Variants in USH2A observed in about 807,000 individuals in gnomAD.
The protein encoded by USH2A is usherin.
A neutral mutation model predicts 538.9 loss-of-function variants in USH2A; 443 were observed. The ratio of observed to expected loss-of-function variants is 0.82; its 90% CI spans 0.76 to 0.89. USH2A has a LOEUF of 0.89. Ranked by LOEUF, USH2A falls within the 40% of genes least tolerant of loss-of-function variation. The pLI is 0.00. For missense variants in USH2A, 6,633 were observed against 6,324.8 expected, an observed-to-expected ratio of 1.05 and a Z score of -1.65; for synonymous variants, 2,413 against 2,273.5, an observed-to-expected ratio of 1.06 and a Z score of -1.75.
rs760750612 is a variant in USH2A, at chr1:215,623,563, C to T, written c.*2218G>A. On this transcript the variant is annotated 3_prime_UTR_variant, in exon 72 of 72. Transcript: ENST00000307340. ...AGCAAAGCAACATCTTAGAGTTCTT[C>T]TCTGAAATAAATACAAGTAAACTTA... 6.6e-6 allele frequency: 1 copy of T among 152,094 alleles called. No homozygotes were observed. The highest frequency in any genetic ancestry group is 1.5e-5 in the Non-Finnish European group (1 of 67,994). The allele number at this position is 152,094 out of a possible 1,614,324, so 9.4% of individuals were successfully genotyped here.
rs553084753 is a variant in USH2A at position 215,891,835 on chromosome 1, G to T, written c.7595-2781C>A. Among the ~76,000 whole-genome samples, 13 of 152,234 alleles carry T rather than the reference G, an allele frequency of 8.5e-5. No individual in the cohort carries two copies. The East Asian group carries it at 2.5e-3, about 29-fold the overall frequency. ...GACAGGCACACAGCTCAGCTGGCCG[G>T]TGATGAAAATACAACCTTACAGCGC... On this transcript the variant is annotated intron_variant, in intron 40 of 71. Coordinates refer to ENST00000307340, the MANE Select transcript of USH2A (RefSeq NM_206933.4).
In USH2A at chr1:216,007,253, T is replaced by C. The variant is rs1233098995; in HGVS notation, c.6326-6691A>G. Among the ~76,000 whole-genome samples the C allele has an allele frequency of 3.9e-5, 6 of 152,166 alleles. No individual in the cohort carries two copies. The East Asian group carries it at 9.6e-4, about 24-fold the overall frequency. On this transcript the variant is annotated intron_variant, in intron 32 of 71. Transcript: ENST00000307340. ...CTCGGGTATGTCTTTATCAGCAGCA[T>C]GAAAACGAACTAGTACACTCAATTA...
At chr1:216,129,715 G>A (rs1316819579) in intron 21 of USH2A, among the ~76,000 whole-genome samples, 1 of 151,774 alleles carries the variant, frequency 6.6e-6, no homozygotes, top group East Asian at 1.9e-4. Context: ...ATCCTAAAAT[G>A]TATATGGAAC....
intron 69 of USH2A, 75 bp downstream of exon 69, chr1:215,639,080 T>G: frequency 7.4e-7 from 1 of 1,350,220 alleles, no homozygotes; most frequent in Non-Finnish European, 1.1e-6. Context: ...ACTCCAAGTA[T>G]GTATAAACAA....
chr1:215,974,944 A>G (rs1307273602), intron 35 of USH2A, among the ~76,000 whole-genome samples: 2 of 152,182 alleles, frequency 1.3e-5, no homozygotes, highest in African/African-American at 2.4e-5. Flanking sequence ...ACTAATTTAC[A>G]TTCCCACCAA....
At chr1:216,047,190 T>C (rs574162135) in intron 31 of USH2A, among the ~76,000 whole-genome samples, 14 of 152,262 alleles carry the variant, frequency 9.2e-5, no homozygotes, top group African/African-American at 3.4e-4. Flanking sequence ...AATTACTTCG[T>C]GGATATTTAG....
intron 61 of USH2A, among the ~76,000 whole-genome samples, chr1:215,684,069 T>TA (rs1350658066): frequency 2.0e-5 from 3 of 152,338 alleles, no homozygotes; most frequent in East Asian, 3.9e-4. Context: ...TGCAATCTAA[T>TA]ATCTTCAATG....
chr1:216,245,970 G>A (rs994410521), intron 13 of USH2A, among the ~76,000 whole-genome samples: 1 of 152,162 alleles, frequency 6.6e-6, no homozygotes, highest in African/African-American at 2.4e-5. Context: ...TGTAAAGAAG[G>A]TATAGTATTT....
chr1:216,396,548 A>AT (rs920320902), intron 3 of USH2A, among the ~76,000 whole-genome samples: 2 of 152,172 alleles, frequency 1.3e-5, no homozygotes, highest in African/African-American at 4.8e-5. Context: ...TATCCTTGGT[A>AT]TTTATTTTAA....
rs1323139843 is a variant in USH2A at position 215,674,613 on chromosome 1, A to C, written c.13298T>G (p.Val4433Gly). ...ACTNGGCTAS[V>G]SKSAWTMEAL... ...CTCCATTGTCCAGGCAGATTTTGAC[A>C]CACTAGCTGTGCAACCTCCATTCGT... Residue 4433 changes from valine to glycine, a missense_variant, in exon 63 of 72, where the codon GTG becomes GGG. Coordinates refer to ENST00000307340, the MANE Select transcript of USH2A (RefSeq NM_206933.4). 3 of 1,614,064 alleles carry C rather than the reference A, an allele frequency of 1.9e-6. No homozygotes were observed. The African/African-American group carries it at 4.0e-5, about 22-fold the overall frequency.
chr1:215,799,771 A>G (rs1662266227), intron 49 of USH2A, among the ~76,000 whole-genome samples: 1 of 152,144 alleles, frequency 6.6e-6, no homozygotes, highest in Non-Finnish European at 1.5e-5. Flanking sequence ...GGATAACTTG[A>G]GGCCAGGAGT....
At chr1:216,156,190 T>C (rs1366363071) in intron 21 of USH2A, among the ~76,000 whole-genome samples, 1 of 152,134 alleles carries the variant, frequency 6.6e-6, no homozygotes, top group African/African-American at 2.4e-5. Flanking sequence ...TGTTTATTTA[T>C]GTACATGTCA....
chr1:216,306,184 T>A (rs372169918), intron 9 of USH2A, among the ~76,000 whole-genome samples: 1 of 152,120 alleles, frequency 6.6e-6, no homozygotes, highest in African/African-American at 2.4e-5. Flanking sequence ...AATCCCAAAC[T>A]TCTTGGAGGC....
Position 216,199,762 on chromosome 1 carries a change from C to T in USH2A, c.3676G>A (p.Gly1226Arg), listed in dbSNP as rs770349057. 17 of 1,614,030 alleles carry T rather than the reference C, an allele frequency of 1.1e-5. No individual in the cohort carries two copies. Among genetic ancestry groups the T allele is most frequent in the Middle Eastern group, 1.7e-4 (1 of 6,060 alleles). The change falls in exon 17 of 72, where the codon GGG becomes AGG. Residue 1226 changes from glycine to arginine, a missense_variant. Coordinates refer to ENST00000307340, the MANE Select transcript of USH2A (RefSeq NM_206933.4). The stretch of plus-strand genomic sequence containing the variant: ...ATGGGCAAGCTGTGTAAACAGCCCC[C>T]GCTAGTACACGCCTGTACAGAAAAA... ...YDFSVQACTS[G>R]GCLHSLPITV... is the part of the protein sequence containing the mutation.
intron 3 of USH2A, among the ~76,000 whole-genome samples, chr1:216,408,782 A>C (rs1571790685): frequency 6.6e-6 from 1 of 152,294 alleles, no homozygotes; most frequent in East Asian, 1.9e-4. Context: ...ACTGTGATAC[A>C]GCAACAGCTG....
rs574222562 is a variant in USH2A, at chr1:216,047,612, C to T, written c.6163+922G>A. Reference sequence around the variant, plus strand: ...CTGGTTTCATCCTATGGGTCCATGTCTTCCTTTCTGTTACATATCTTCAGT... The same window carrying T: ...CTGGTTTCATCCTATGGGTCCATGTTTTCCTTTCTGTTACATATCTTCAGT... On this transcript the variant is annotated intron_variant, in intron 31 of 71. Coordinates refer to ENST00000307340, the MANE Select transcript of USH2A (RefSeq NM_206933.4). Among the ~76,000 whole-genome samples the T allele has an allele frequency of 2.0e-5, 3 of 152,172 alleles. No individual in the cohort carries two copies. In the South Asian group the frequency reaches 6.2e-4, roughly 32 times the overall value.
intron 19 of USH2A, among the ~76,000 whole-genome samples, chr1:216,194,789 C>G (rs375811467): frequency 6.6e-6 from 1 of 152,114 alleles, no homozygotes; most frequent in Non-Finnish European, 1.5e-5. Context: ...TTTGAGAATA[C>G]TGTTCTGAGA....
intron 37 of USH2A, among the ~76,000 whole-genome samples, chr1:215,956,905 G>A (rs1479346754): frequency 6.6e-6 from 1 of 152,124 alleles, no homozygotes; most frequent in Non-Finnish European, 1.5e-5. Context: ...TATACAATCA[G>A]AAGTGTCAAT....
chr1:216,250,971 C>T lies in USH2A; in HGVS notation c.2099G>A (p.Gly700Glu). Reference protein sequence around the residue: ...GCSPCNCNTSGTVDGDITCHQ... With the variant: ...GCSPCNCNTSETVDGDITCHQ... ...ACAGGTAATATCTCCATCCACTGTC[C>T]CAGAGGTATTGCAGTTACAGGGACT... The change falls in exon 12 of 72, where the codon GGG (glycine) becomes GAG (glutamate). Residue 700 changes from glycine (G) to glutamate (E), a missense_variant. Gly to Glu is a moderately conservative substitution (Grantham distance 98). Coordinates refer to ENST00000307340, the MANE Select transcript of USH2A (RefSeq NM_206933.4). 1 of 1,614,000 alleles carries T rather than the reference C, an allele frequency of 6.2e-7. No homozygotes were observed. Among genetic ancestry groups the T allele is most frequent in the Non-Finnish European group, 8.5e-7 (1 of 1,179,978 alleles).
Sources: allele counts gnomAD v4.1 joint callset (sites outside exome capture counted in the v4.1 genomes callset), GRCh38; gene constraint gnomAD v4.1.1; transcripts MANE v1.5; gene names NCBI Gene and HGNC (gene_info 2026-07-23, HGNC 2026-07-21).